KCNIP4: variants seen among roughly 807,000 people sequenced by gnomAD.
The protein encoded by KCNIP4 is potassium voltage-gated channel interacting protein 4.
KCNIP4 carries 12 observed loss-of-function variants against 34.0 expected under a neutral mutation model. The observed-to-expected ratio is 0.35, with a 90% CI of 0.23 to 0.57. The LOEUF (loss-of-function observed/expected upper bound fraction) is 0.57. Among genes scored for constraint, KCNIP4 ranks in the 20% least tolerant of loss-of-function variants. The probability of loss-of-function intolerance (pLI) is 0.83; values close to 1 mark genes in which losing one functional copy is unlikely to be tolerated. For missense variants in KCNIP4, 238 were observed against 311.7 expected, an observed-to-expected ratio of 0.76 and a Z score of 1.78; for synonymous variants, 124 against 102.2, an observed-to-expected ratio of 1.21 and a Z score of -1.29.
At chr4:20,888,975 T>A (rs1673524793) in intron 1 of KCNIP4, among the ~76,000 whole-genome samples, 1 of 152,180 alleles carries the variant, frequency 6.6e-6, no homozygotes, top group African/African-American at 2.4e-5. Context: ...AATATCATAC[T>A]TATTACAATT....
At chr4:21,326,458 T>C (rs1416765876) in intron 1 of KCNIP4, among the ~76,000 whole-genome samples, 1 of 132,056 alleles carries the variant, frequency 7.6e-6, no homozygotes, top group Non-Finnish European at 1.6e-5. Context: ...AAACATCTTT[T>C]TTCGTACCTT....
intron 1 of KCNIP4, among the ~76,000 whole-genome samples, chr4:21,909,795 C>T (rs1280098483): frequency 2.0e-5 from 3 of 152,084 alleles, no homozygotes; most frequent in African/African-American, 7.2e-5. Flanking sequence ...TCACATCTTA[C>T]ATGGCGACAG....
At chr4:21,280,803 G>A (rs948313006) in intron 1 of KCNIP4, among the ~76,000 whole-genome samples, 1 of 152,162 alleles carries the variant, frequency 6.6e-6, no homozygotes, top group Non-Finnish European at 1.5e-5. Context: ...TGGTAGTACT[G>A]GGAACTAGGA....
Position 20,732,788 on chromosome 4 carries a change from G to GA in KCNIP4, c.538-4dup. ...GCTTTCATTATATCAAGCATTTCCT[G>GA]AAAAATAAAAGGCACTCACGTGAGG... On this transcript the variant is annotated splice_region_variant and splice_polypyrimidine_tract_variant and intron_variant, in intron 6 of 8. Coordinates refer to ENST00000382152, the MANE Select transcript of KCNIP4 (RefSeq NM_025221.6). 1 of 1,584,426 alleles carries GA rather than the reference G, an allele frequency of 6.3e-7. No individual in the cohort carries two copies. The highest frequency in any genetic ancestry group is 8.7e-7 in the Non-Finnish European group (1 of 1,154,124).
chr4:21,490,145 T>G (rs1459661585), intron 1 of KCNIP4, among the ~76,000 whole-genome samples: 10 of 152,174 alleles, frequency 6.6e-5, no homozygotes, highest in Admixed American at 2.0e-4. Context: ...TTTAATAATT[T>G]TAACAGATAA....
intron 2 of KCNIP4, among the ~76,000 whole-genome samples, chr4:20,876,133 G>A (rs1043809112): frequency 1.3e-5 from 2 of 152,026 alleles, no homozygotes; most frequent in Non-Finnish European, 1.5e-5. Context: ...GATAGTGCTG[G>A]GTAGATGTTG....
intron 3 of KCNIP4, among the ~76,000 whole-genome samples, chr4:20,774,252 T>C (rs1050103541): frequency 2.0e-5 from 3 of 152,216 alleles, no homozygotes; most frequent in Admixed American, 6.5e-5. Flanking sequence ...GGATATTATG[T>C]TTATCCTTGT....
At chr4:20,988,288 G>A (rs952584632) in intron 1 of KCNIP4, among the ~76,000 whole-genome samples, 5 of 152,144 alleles carry the variant, frequency 3.3e-5, no homozygotes, top group Non-Finnish European at 7.3e-5. Context: ...TGAAAGGAAA[G>A]TATTGACAGA....
chr4:20,899,446 G>T (rs902918501), intron 1 of KCNIP4, among the ~76,000 whole-genome samples: 1 of 152,144 alleles, frequency 6.6e-6, no homozygotes, highest in African/African-American at 2.4e-5. Flanking sequence ...TAGCAGCTGA[G>T]GGGTTATGTC....
chr4:21,415,393 T>C (rs888510997), intron 1 of KCNIP4, among the ~76,000 whole-genome samples: 8 of 151,988 alleles, frequency 5.3e-5, no homozygotes, highest in African/African-American at 1.9e-4. Flanking sequence ...ATTGTGCCTT[T>C]AGTAAATAAT....
intron 1 of KCNIP4, among the ~76,000 whole-genome samples, chr4:20,954,300 G>T (rs1297477947): frequency 6.6e-6 from 1 of 152,140 alleles, no homozygotes; most frequent in Non-Finnish European, 1.5e-5. Context: ...GAGTTGGAAA[G>T]ATTTCTTAAA....
rs532223329 is a variant in KCNIP4, at chr4:20,850,691, T to C, written c.164-24A>G. On this transcript the variant is annotated intron_variant, in intron 2 of 8. Coordinates refer to ENST00000382152, the MANE Select transcript of KCNIP4 (RefSeq NM_025221.6). ...GTCTGTGGAGGAAAACAAGAAAGAG[T>C]CTTAGGACCAGCCACTGCTCACCGA... 5 of 1,607,388 alleles carry C rather than the reference T, an allele frequency of 3.1e-6. No individual in the cohort carries two copies. The African/African-American group carries it at 5.4e-5, about 17-fold the overall frequency.
At chr4:21,766,530 T>G (rs939313133) in intron 1 of KCNIP4, among the ~76,000 whole-genome samples, 1 of 152,154 alleles carries the variant, frequency 6.6e-6, no homozygotes, top group Admixed American at 6.6e-5. Context: ...ACTGTTGGCA[T>G]AAAGCGAATT....
chr4:20,979,041 A>G (rs1488237232), intron 1 of KCNIP4, among the ~76,000 whole-genome samples: 1 of 152,162 alleles, frequency 6.6e-6, no homozygotes, highest in Non-Finnish European at 1.5e-5. Flanking sequence ...TTTCAAAATA[A>G]AAAGTTTACA....
At chr4:21,456,072 C>G (rs991184670) in intron 1 of KCNIP4, among the ~76,000 whole-genome samples, 1 of 145,926 alleles carries the variant, frequency 6.9e-6, no homozygotes. Flanking sequence ...GAGAAGAAAA[C>G]CCACCCCATT....
intron 1 of KCNIP4, among the ~76,000 whole-genome samples, chr4:21,856,195 G>A (rs1449714926): frequency 6.6e-6 from 1 of 152,194 alleles, no homozygotes; most frequent in Non-Finnish European, 1.5e-5. Flanking sequence ...CTCATTTACA[G>A]GCTGGCTGGT....
At chr4:21,606,823 C>T (rs556300082) in intron 1 of KCNIP4, among the ~76,000 whole-genome samples, 3 of 152,042 alleles carry the variant, frequency 2.0e-5, no homozygotes, top group Admixed American at 6.6e-5. Context: ...AAATTCCTGA[C>T]GTTAGTTTTT....
At chr4:21,812,499 G>A (rs1721721615) in intron 1 of KCNIP4, among the ~76,000 whole-genome samples, 1 of 152,138 alleles carries the variant, frequency 6.6e-6, no homozygotes. Flanking sequence ...ACAATACCAT[G>A]AGCTATCAGC....
chr4:21,578,815 C>G (rs1740959595), intron 1 of KCNIP4, among the ~76,000 whole-genome samples: 1 of 152,104 alleles, frequency 6.6e-6, no homozygotes, highest in Admixed American at 6.6e-5. Context: ...GTCATACATC[C>G]CACACTGGAC....
Sources: allele counts gnomAD v4.1 joint callset (sites outside exome capture counted in the v4.1 genomes callset), GRCh38; gene constraint gnomAD v4.1.1; transcripts MANE v1.5; gene names NCBI Gene and HGNC (gene_info 2026-07-23, HGNC 2026-07-21).